GLUL: variants seen among roughly 807,000 people sequenced by gnomAD.
GLUL encodes the protein glutamate-ammonia ligase, also known as glutamine synthetase.
GLUL carries 8 observed loss-of-function variants against 36.9 expected under a neutral mutation model. That is an observed-to-expected ratio of 0.22 (90% CI 0.13 to 0.39). The LOEUF is 0.39. Ranked by LOEUF, GLUL falls within the 10% of genes least tolerant of loss-of-function variation. The pLI is 1.00. For synonymous variants in GLUL, 182 were observed against 172.8 expected, an observed-to-expected ratio of 1.05 and a Z score of -0.42; for missense variants, 315 against 501.8, an observed-to-expected ratio of 0.63 and a Z score of 3.56.
chr1:182,386,919 CTATTT>C (rs1650206999), intron 3 of GLUL: 5 of 615,388 alleles, frequency 8.1e-6, no homozygotes, highest in Admixed American at 2.6e-5. Context: ...AAATCCAATG[CTATTT>C]TATGCAACCA....
At chr1:182,390,870 A>C (rs1650385096) in intron 1 of GLUL, 1 of 398,958 alleles carries the variant, frequency 2.5e-6, no homozygotes, top group Non-Finnish European at 4.4e-6. Flanking sequence ...CCCCCGAGGG[A>C]GTTATAATTA....
chr1:182,383,165 G>GT lies in GLUL; in HGVS notation c.*1239dup, dbSNP rs1345576822. 1 of 152,122 alleles carries GT rather than the reference G, an allele frequency of 6.6e-6. No homozygotes were observed. The highest frequency in any genetic ancestry group is 2.1e-4 in the South Asian group (1 of 4,828). 9.4% of individuals were successfully genotyped at this position (152,122 alleles called of 1,614,324 possible). A position where few individuals can be genotyped will look rare whatever the true frequency, so the allele number is the denominator to read the frequency against. ...GACATCAAGATACAAAATTACAAGT[G>GT]TTTTGACTCCAGCCCTGTCCCCATC... On this transcript the variant is annotated 3_prime_UTR_variant, in exon 7 of 7. Transcript: ENST00000331872.
rs1471517556 is a variant in GLUL, at chr1:182,386,574, G to A, written c.329-172C>T. The A allele has an allele frequency of 1.7e-5, 12 of 690,224 alleles. No individual in the cohort carries two copies. In the Admixed American group the frequency reaches 1.9e-4, roughly 11 times the overall value. 42.8% of individuals were successfully genotyped at this position (690,224 alleles called of 1,614,324 possible). ...TCACCGAGTCAGAAAAATGAGAGAA[G>A]CTGTTAATTGTACATCTGTAGGAAG... On this transcript the variant is annotated intron_variant, in intron 3 of 6. Coordinates refer to ENST00000331872, the MANE Select transcript of GLUL (RefSeq NM_001033044.4).
chr1:182,387,084 G>A lies in GLUL; in HGVS notation c.328+47C>T, dbSNP rs751683068. ...GAATGTCTTCTCCCTCCCCTTCACAGCATTCACAGATTGAGGAGGGGTATC... is the reference window on the plus strand; with the variant it reads ...GAATGTCTTCTCCCTCCCCTTCACAACATTCACAGATTGAGGAGGGGTATC... On this transcript the variant is annotated intron_variant, in intron 3 of 6. Transcript: ENST00000331872. The A allele has an allele frequency of 2.1e-6, 3 of 1,431,124 alleles. No homozygotes were observed. The Admixed American group carries it at 5.0e-5, about 24-fold the overall frequency. The allele number at this position is 1,431,124 out of a possible 1,614,324, so 88.7% of individuals were successfully genotyped here.
chr1:182,390,450 G>A (rs1650361359), intron 1 of GLUL: 2 of 398,888 alleles, frequency 5.0e-6, no homozygotes, highest in Non-Finnish European at 8.8e-6. Context: ...AGCAGTTTCT[G>A]CAGCTCCCAC....
In GLUL at chr1:182,381,837, A is replaced by G. The variant is rs779481807; in HGVS notation, c.*2568T>C. ...GCACAGATTCAATGGAAATAAGGGT[A>G]TACATCATTTAACAACAAAATCAAG... On this transcript the variant is annotated 3_prime_UTR_variant, in exon 7 of 7. Transcript: ENST00000331872. The G allele has an allele frequency of 1.3e-5, 2 of 152,234 alleles. No individual in the cohort carries two copies. The highest frequency in any genetic ancestry group is 2.9e-5 in the Non-Finnish European group (2 of 68,060). 9.4% of individuals were successfully genotyped at this position (152,234 alleles called of 1,614,324 possible). A position where few individuals can be genotyped will look rare whatever the true frequency, so the allele number is the denominator to read the frequency against.
rs1558154044 is a variant in GLUL at position 182,383,117 on chromosome 1, A to T, written c.*1288T>A. On this transcript the variant is annotated 3_prime_UTR_variant, in exon 7 of 7. Transcript: ENST00000331872. The stretch of plus-strand genomic sequence containing the variant: ...TTCCTTATTATAAAAGAAAAAAAAT[A>T]ATTCTTCAGCAGTCTTAACAAAGAC... 1.3e-5 allele frequency: 2 copies of T among 152,294 alleles called. No individual in the cohort carries two copies. Among genetic ancestry groups the T allele is most frequent in the East Asian group, 1.9e-4 (1 of 5,190 alleles). 9.4% of individuals were successfully genotyped at this position (152,294 alleles called of 1,614,324 possible).
chr1:182,386,077 C>T (rs1222108281), intron 4 of GLUL, 179 bp downstream of exon 4: 3 of 876,484 alleles, frequency 3.4e-6, no homozygotes, highest in South Asian at 2.7e-5. Flanking sequence ...AACGTTCCCC[C>T]TAAAACCTTA....
chr1:182,390,969 C>A (rs2101939361), intron 1 of GLUL: 3 of 376,420 alleles, frequency 8.0e-6, no homozygotes, highest in South Asian at 2.9e-4. Context: ...CAGGGCCTCA[C>A]GGAGGTGGCC....
chr1:182,386,020 G>A (rs931906475), intron 4 of GLUL, 133 bp from the exon 5 acceptor site: 11 of 997,868 alleles, frequency 1.1e-5, no homozygotes, highest in African/African-American at 3.2e-5. Flanking sequence ...CGGGGCAGGG[G>A]AGGGGCAATA....
chr1:182,384,801 T>G, intron 6 of GLUL, 78 bp from the exon 7 acceptor site: 2 of 1,008,368 alleles, frequency 2.0e-6, no homozygotes, highest in Non-Finnish European at 3.2e-6. Context: ...CAAAATATGA[T>G]ACCAGTAGAA....
rs1381009091 is a variant in GLUL at position 182,380,565 on chromosome 1, G to C, written c.*3840C>G. Among the ~76,000 whole-genome samples the C allele has an allele frequency of 6.6e-6, 1 of 152,180 alleles. No individual in the cohort carries two copies. Among genetic ancestry groups the C allele is most frequent in the Non-Finnish European group, 1.5e-5 (1 of 68,030 alleles). On this transcript the variant is annotated 3_prime_UTR_variant, in exon 7 of 7. Coordinates refer to ENST00000331872, the MANE Select transcript of GLUL (RefSeq NM_001033044.4). ...CCTGCTGCAGCCTCACAAAGTGTTG[G>C]GATCACAGGCGTAAGCCACTTCACC...
intron 1 of GLUL, chr1:182,391,155 G>C: frequency 2.5e-6 from 1 of 398,592 alleles, no homozygotes. Context: ...GCGGGAGCCG[G>C]CCGCCCAAAC....
At position 182,382,553 on chromosome 1, in the gene GLUL, CTATTG is replaced by C. The variant is rs1246526100; in HGVS notation, c.*1847_*1851del. 1 of 152,132 alleles carries C rather than the reference CTATTG, an allele frequency of 6.6e-6. No homozygotes were observed. The highest frequency in any genetic ancestry group is 6.5e-5 in the Admixed American group (1 of 15,282). 9.4% of individuals were successfully genotyped at this position (152,132 alleles called of 1,614,324 possible). ...CCAGTTAATCTTACATTATGTTAGG[CTATTG>C]TATTAGGCTAGGAATGGTCAAAACA... is the stretch of plus-strand genomic sequence containing the variant. On this transcript the variant is annotated 3_prime_UTR_variant, in exon 7 of 7. Coordinates refer to ENST00000331872, the MANE Select transcript of GLUL (RefSeq NM_001033044.4).
At chr1:182,388,016 G>C (rs1282139674) in intron 2 of GLUL, among the ~76,000 whole-genome samples, 1 of 152,210 alleles carries the variant, frequency 6.6e-6, no homozygotes, top group Non-Finnish European at 1.5e-5. Flanking sequence ...ACTATGGCTT[G>C]TTCTAGACTG....
rs765833101 is a variant in GLUL at position 182,384,594 on chromosome 1, G to A, written c.933C>T (p.Asp311=). ...TACGATTGGCTACACCAGCAGAAAA[G>A]TCGTTGATGTTGGAGGTTTCATGGA... The part of the protein sequence containing the change: ...TGFHETSNIN[D]FSAGVANRSA... Residue 311 remains aspartate (D), a synonymous_variant, in exon 7 of 7, where the codon GAC becomes GAT. Coordinates refer to ENST00000331872, the MANE Select transcript of GLUL (RefSeq NM_001033044.4). 6.2e-7 allele frequency: 1 copy of A among 1,614,232 alleles called. No individual in the cohort carries two copies. Among genetic ancestry groups the A allele is most frequent in the Non-Finnish European group, 8.5e-7 (1 of 1,180,040 alleles).
chr1:182,389,969 C>T (rs1650339388), intron 1 of GLUL: 1 of 152,316 alleles, frequency 6.6e-6, no homozygotes, highest in Non-Finnish European at 1.5e-5. Flanking sequence ...TTAGCTCCCG[C>T]TAAAAGCTAC....
chr1:182,385,286 G>T (rs1481523986), intron 6 of GLUL, 71 bp downstream of exon 6: 1 of 1,154,804 alleles, frequency 8.7e-7, no homozygotes, highest in African/African-American at 1.5e-5. Flanking sequence ...ACTTTGCTGA[G>T]AGATTGCTAA....
rs1650060236 is a variant in GLUL, at chr1:182,384,153, C to T, written c.*252G>A. ...TGGAAGCAGTGGTTATGTCTCCCCA[C>T]CCTCCTCCCCACTAATGCACTAAAA... On this transcript the variant is annotated 3_prime_UTR_variant, in exon 7 of 7. Transcript: ENST00000331872. 2.1e-6 allele frequency: 1 copy of T among 480,924 alleles called. No homozygotes were observed. Among genetic ancestry groups the T allele is most frequent in the African/African-American group, 2.0e-5 (1 of 50,946 alleles). The allele number at this position is 480,924 out of a possible 1,614,324, so 29.8% of individuals were successfully genotyped here. A position where few individuals can be genotyped will look rare whatever the true frequency, so the allele number is the denominator to read the frequency against.
Sources: gnomAD v4.1 joint callset for allele counts (sites outside exome capture counted in the v4.1 genomes callset) on GRCh38, gnomAD v4.1.1 for gene constraint, MANE v1.5 for transcripts, NCBI Gene and HGNC (gene_info 2026-07-23, HGNC 2026-07-21) for gene names.